Variants in RAD50 observed in about 807,000 individuals in gnomAD.
RAD50 encodes the protein RAD50 double strand break repair protein.
Under a neutral mutation model 168.8 loss-of-function variants are expected in RAD50, and 132 were observed. The ratio of observed to expected loss-of-function variants is 0.78; its 90% CI spans 0.68 to 0.90. The LOEUF is 0.90. RAD50 is among the 40% of genes least tolerant of loss of function. The pLI is 0.00. For synonymous variants in RAD50, 525 were observed against 497.4 expected, an observed-to-expected ratio of 1.06 and a Z score of -0.74; for missense variants, 1,347 against 1,534.4, an observed-to-expected ratio of 0.88 and a Z score of 2.04.
intron 21 of RAD50, among the ~76,000 whole-genome samples, chr5:132,635,926 C>G (rs991076578): frequency 1.3e-5 from 2 of 152,146 alleles, no homozygotes; most frequent in African/African-American, 4.8e-5. Context: ...CATCAACAAG[C>G]AGAATATGGT....
rs1751830636 is a variant in RAD50 at position 132,645,515 on chromosome 5, G to T, written c.*3151G>T. 1 of 152,132 alleles carries T rather than the reference G, an allele frequency of 6.6e-6. No homozygotes were observed. Among genetic ancestry groups the T allele is most frequent in the African/African-American group, 2.4e-5 (1 of 41,410 alleles). The allele number at this position is 152,132 out of a possible 1,614,324, so 9.4% of individuals were successfully genotyped here. On this transcript the variant is annotated 3_prime_UTR_variant, in exon 25 of 25. Coordinates refer to ENST00000378823, the MANE Select transcript of RAD50 (RefSeq NM_005732.4). ...TTTCTTCTCTGTGCTCACTTATTTGGTGATCTCATCCAGTCTCATAGCTTT... is the reference window on the plus strand; with the variant it reads ...TTTCTTCTCTGTGCTCACTTATTTGTTGATCTCATCCAGTCTCATAGCTTT...
At chr5:132,564,450 A>G (rs1423499975) in intron 2 of RAD50, among the ~76,000 whole-genome samples, 1 of 152,214 alleles carries the variant, frequency 6.6e-6, no homozygotes, top group African/African-American at 2.4e-5. Context: ...GAGATGATTT[A>G]GAGTATTTGG....
At chr5:132,613,261 A>T (rs1020398039) in intron 19 of RAD50, among the ~76,000 whole-genome samples, 2 of 152,162 alleles carry the variant, frequency 1.3e-5, no homozygotes, top group African/African-American at 4.8e-5. Context: ...TAATTTGGAA[A>T]CTTAACTGCC....
intron 19 of RAD50, among the ~76,000 whole-genome samples, chr5:132,611,501 C>G (rs889401843): frequency 1.3e-5 from 2 of 151,722 alleles, no homozygotes; most frequent in South Asian, 2.1e-4. Context: ...GTCAGGAGAT[C>G]GAGACCATCC....
At chr5:132,569,522 A>G (rs1422032810) in intron 2 of RAD50, among the ~76,000 whole-genome samples, 5 of 151,794 alleles carry the variant, frequency 3.3e-5, no homozygotes, top group Non-Finnish European at 7.3e-5. Flanking sequence ...GAAATACACA[A>G]ATCTGCAAGG....
intron 13 of RAD50, among the ~76,000 whole-genome samples, chr5:132,600,733 A>G (rs2149846017): frequency 6.6e-6 from 1 of 152,334 alleles, no homozygotes. Context: ...CAATCCCCTT[A>G]GAAAAGGAAT....
rs746833118 is a variant in RAD50, at chr5:132,589,753, G to A, written c.1368G>A (p.Glu456=). 3 of 1,613,608 alleles carry A rather than the reference G, an allele frequency of 1.9e-6. No individual in the cohort carries two copies. The African/African-American group carries it at 4.0e-5, about 22-fold the overall frequency. The change falls in exon 9 of 25, where the codon GAG becomes GAA. Residue 456 remains glutamate (E), a synonymous_variant. Transcript: ENST00000378823. The part of the protein sequence containing the change: ...KSEILSKKQN[E]LKNVKYELQQ... ...AAATCCTAAGTAAGAAGCAGAATGA[G>A]CTGAAAAATGTGAAGTATGAATTAC...
chr5:132,576,595 A>G (rs536349531), intron 3 of RAD50, among the ~76,000 whole-genome samples: 1 of 152,346 alleles, frequency 6.6e-6, no homozygotes, highest in African/African-American at 2.4e-5. Context: ...TGGCTTCTCA[A>G]GCAGGTTTTC....
intron 10 of RAD50, 71 bp from the exon 11 acceptor site, chr5:132,591,806 A>G: frequency 8.5e-7 from 1 of 1,170,142 alleles, no homozygotes; most frequent in South Asian, 1.4e-5. Flanking sequence ...TCAGTCTAGA[A>G]TTTATTTTTG....
At chr5:132,631,223 C>T (rs1420751807) in intron 21 of RAD50, among the ~76,000 whole-genome samples, 3 of 150,798 alleles carry the variant, frequency 2.0e-5, no homozygotes, top group South Asian at 2.1e-4. Flanking sequence ...CAGGTTCAAG[C>T]GATCCTCCTG....
chr5:132,594,810 A>C (rs1475614825), intron 11 of RAD50, 59 bp from the exon 12 acceptor site: 4 of 1,524,104 alleles, frequency 2.6e-6, no homozygotes, highest in Non-Finnish European at 2.7e-6. Context: ...TGCCTACTCA[A>C]ATTTTCAAAC....
In RAD50 at chr5:132,579,343, C is replaced by CT. The variant is rs1458900761; in HGVS notation, c.393dup (p.Lys132Ter). Reference sequence around the variant, plus strand: ...CATGGTGAAAAGGTCAGTCTGAGCTCTAAGTGTGCAGAAATTGACCGAGAA... The same window carrying CT: ...CATGGTGAAAAGGTCAGTCTGAGCTCTTAAGTGTGCAGAAATTGACCGAGAA... On this transcript the variant is annotated frameshift_variant, in exon 4 of 25. Transcript: ENST00000378823. LOFTEE classifies it high-confidence loss of function. 1 of 1,613,886 alleles carries CT rather than the reference C, an allele frequency of 6.2e-7. No homozygotes were observed. Among genetic ancestry groups the CT allele is most frequent in the South Asian group, 1.1e-5 (1 of 91,074 alleles).
rs539978177 is a variant in RAD50 at position 132,557,243 on chromosome 5, C to T, written c.-82C>T. ...CTGACCCTGAGATTCGCGGGTCTCA[C>T]GTCCCGTGCACGCCTTGCTTCGGCC... is the stretch of plus-strand genomic sequence containing the variant. On this transcript the variant is annotated 5_prime_UTR_variant, in exon 1 of 25. The change creates a new upstream start codon in the 5' untranslated region. Coordinates refer to ENST00000378823, the MANE Select transcript of RAD50 (RefSeq NM_005732.4). 526 of 1,556,302 alleles carry T rather than the reference C, an allele frequency of 3.4e-4. 2 individuals are homozygous for T. The African/African-American group carries it at 6.0e-3, about 18-fold the overall frequency.
At chr5:132,619,828 C>CCTCTCTCTG (rs1561651592) in intron 21 of RAD50, among the ~76,000 whole-genome samples, 2 of 124,262 alleles carry the variant, frequency 1.6e-5, no homozygotes, top group African/African-American at 7.0e-5. Flanking sequence ...CTCTCTCTCT[C>CCTCTCTCTG]TCTCTCTCTA....
intron 21 of RAD50, among the ~76,000 whole-genome samples, chr5:132,626,292 C>T (rs927971485): frequency 1.3e-5 from 2 of 152,164 alleles, no homozygotes; most frequent in Non-Finnish European, 2.9e-5. Context: ...CTAATGATTT[C>T]ATTTCCTTTG....
intron 21 of RAD50, among the ~76,000 whole-genome samples, chr5:132,628,109 CT>C (rs1377974288): frequency 6.6e-6 from 1 of 152,110 alleles, no homozygotes; most frequent in Non-Finnish European, 1.5e-5. Context: ...GTTTTGTACA[CT>C]TTAAGTTTGA....
intron 13 of RAD50, among the ~76,000 whole-genome samples, chr5:132,598,109 G>A (rs571659595): frequency 6.6e-6 from 1 of 151,156 alleles, no homozygotes; most frequent in East Asian, 1.9e-4. Flanking sequence ...GTACAGTGGC[G>A]CAGTCTTGGC....
chr5:132,645,284 C>T lies in RAD50; in HGVS notation c.*2920C>T, dbSNP rs1751826438. 1 of 152,224 alleles carries T rather than the reference C, an allele frequency of 6.6e-6. No individual in the cohort carries two copies. The highest frequency in any genetic ancestry group is 6.5e-5 in the Admixed American group (1 of 15,284). The allele number at this position is 152,224 out of a possible 1,614,324, so 9.4% of individuals were successfully genotyped here. A position where few individuals can be genotyped will look rare whatever the true frequency, so the allele number is the denominator to read the frequency against. ...GTTTCCCTGATGCCTGTACTTCTCT[C>T]CTTATTCAACTTAAATTCCATGGCT... On this transcript the variant is annotated 3_prime_UTR_variant, in exon 25 of 25. Coordinates refer to ENST00000378823, the MANE Select transcript of RAD50 (RefSeq NM_005732.4).
chr5:132,578,611 A>C (rs1750444018), intron 3 of RAD50, among the ~76,000 whole-genome samples: 1 of 140,988 alleles, frequency 7.1e-6, no homozygotes, highest in South Asian at 2.2e-4. Context: ...AGCTCACTGC[A>C]ACCTCACCGA....
Sources: gnomAD v4.1 joint callset for allele counts (sites outside exome capture counted in the v4.1 genomes callset) on GRCh38, gnomAD v4.1.1 for gene constraint, MANE v1.5 for transcripts, NCBI Gene and HGNC (gene_info 2026-07-23, HGNC 2026-07-21) for gene names.